The following RHOT2 variants were observed in gnomAD, a reference collection of about 807,000 sequenced individuals.
The protein encoded by RHOT2 is mitochondrial Rho GTPase 2.
A neutral mutation model predicts 81.6 loss-of-function variants in RHOT2; 90 were observed. That is an observed-to-expected ratio of 1.10 (90% confidence interval 0.93 to 1.31). RHOT2 has a LOEUF of 1.31. Ranked by LOEUF, RHOT2 falls within the 40% of genes most tolerant of loss-of-function variation. RHOT2 has a pLI of 0.00. For synonymous variants in RHOT2, 512 were observed against 370.9 expected (o/e 1.38, Z -4.37); for missense variants, 1,014 against 841.9 (o/e 1.20, Z -2.53).
At position 672,636 on chromosome 16, in the gene RHOT2, C is replaced by G. The variant is rs1024631015; in HGVS notation, c.1405-67C>G. Reference sequence around the variant, plus strand: ...GGACACCCAGGCCTGCCTGGCAGATCTGGCCCAGCATGGCCCTAGGGGGAC... The same window carrying G: ...GGACACCCAGGCCTGCCTGGCAGATGTGGCCCAGCATGGCCCTAGGGGGAC... On this transcript the variant is annotated intron_variant, in intron 16 of 18. Transcript: ENST00000315082. 5.6e-6 allele frequency: 9 copies of G among 1,609,554 alleles called. No individual in the cohort carries two copies. The African/African-American group carries it at 1.1e-4, about 19-fold the overall frequency.
chr16:670,841 G>A, intron 9 of RHOT2, 51 bp from the exon 10 acceptor site: 1 of 1,593,874 alleles, frequency 6.3e-7, no homozygotes, highest in South Asian at 1.1e-5. Context: ...GACTGGAACG[G>A]GTCGTCTCCG....
In RHOT2 at chr16:670,489, C is replaced by G. The variant is rs1240025388; in HGVS notation, c.472C>G (p.Leu158Val). 2 of 1,608,212 alleles carry G rather than the reference C, an allele frequency of 1.2e-6. No individual in the cohort carries two copies. Among genetic ancestry groups the G allele is most frequent in the African/African-American group, 2.7e-5 (2 of 74,864 alleles). ...SAKNLRNISE[L>V]FYYAQKAVLH... Reference sequence around the variant, plus strand: ...CAAGAACCTGAGGAACATCTCAGAGCTGTTCTACTACGCCCAGAAGGCCGT... The same window carrying G: ...CAAGAACCTGAGGAACATCTCAGAGGTGTTCTACTACGCCCAGAAGGCCGT... Residue 158 changes from leucine (L) to valine (V), a missense_variant, in exon 8 of 19, where the codon CTG becomes GTG. Physicochemically the swap from Leu to Val is conservative, Grantham distance 32. Transcript: ENST00000315082.
rs1448746772 is a variant in RHOT2 at position 670,331 on chromosome 16, T to C, written c.412T>C (p.Phe138Leu). 1 of 1,612,834 alleles carries C rather than the reference T, an allele frequency of 6.2e-7. No homozygotes were observed. Among genetic ancestry groups the C allele is most frequent in the Non-Finnish European group, 8.5e-7 (1 of 1,179,946 alleles). ...GGCCGTGCTCCCCATCATGAGCCAG[T>C]TTCCCGAGATTGAGACCTGCGTGGA... Reference protein sequence around the residue: ...MEAVLPIMSQFPEIETCVECS... With the variant: ...MEAVLPIMSQLPEIETCVECS... Residue 138 changes from phenylalanine to leucine, a missense_variant, in exon 7 of 19, where the codon TTT becomes CTT. By Grantham distance (22) the Phe-to-Leu change is conservative. Coordinates refer to ENST00000315082, the MANE Select transcript of RHOT2 (RefSeq NM_138769.3).
In RHOT2 at chr16:670,124, T is replaced by G; in HGVS notation, c.278T>G (p.Ile93Ser). 3.4e-5 allele frequency: 53 copies of G among 1,562,668 alleles called. No individual in the cohort carries two copies. Among genetic ancestry groups the G allele is most frequent in the Non-Finnish European group, 4.5e-5 (52 of 1,155,800 alleles). Residue 93 changes from isoleucine (I) to serine (S), a missense_variant and splice_region_variant, in exon 6 of 19, where the codon ATT becomes AGT. Transcript: ENST00000315082. ...TCACAGCCAGGCTTTGCTTTTCAGA[T>G]TCGAACTAAGTGGATCCCACTGGTG... is the stretch of plus-strand genomic sequence containing the variant. ...DVSEEATIEK[I>S]RTKWIPLVNG...
chr16:671,330 C>T (rs954614644), intron 11 of RHOT2, 127 bp downstream of exon 11: 20 of 1,370,580 alleles, frequency 1.5e-5, no homozygotes, highest in Middle Eastern at 1.9e-4. Context: ...GTGAAGGTCT[C>T]GCTCAGCAGG....
At chr16:671,810 G>GGCCCCGGCCC in intron 12 of RHOT2, 29 bp downstream of exon 12, 8 of 1,586,186 alleles carry the variant, frequency 5.0e-6, no homozygotes, top group Admixed American at 1.7e-5. Context: ...CCCTGCCCCT[G>GGCCCCGGCCC]CCCCCGCCCC....
chr16:671,186 G>A lies in RHOT2; in HGVS notation c.852G>A (p.Ala284=), dbSNP rs73487484. The change falls in exon 11 of 19, where the codon GCG becomes GCA. Residue 284 remains alanine (A), a synonymous_variant. Coordinates refer to ENST00000315082, the MANE Select transcript of RHOT2 (RefSeq NM_138769.3). ...FGYSDALELT[A]DYLSPLIHVP... ...ACAGCGATGCCCTGGAGCTGACTGC[G>A]GACTATCTCTCCCCTCTGTGAGTGA... 10,070 of 1,567,956 alleles carry A rather than the reference G, an allele frequency of 6.4e-3. 361 individuals carry two copies. In the African/African-American group the frequency reaches 0.095, roughly 15 times the overall value.
intron 12 of RHOT2, 28 bp downstream of exon 12, chr16:671,809 T>TGCCCCA (rs2151476628): frequency 1.0e-6 from 1 of 952,800 alleles, no homozygotes; most frequent in East Asian, 3.0e-5. Flanking sequence ...CCCCTGCCCC[T>TGCCCCA]GCCCCCGCCC....
At chr16:669,030 C>T (rs370634356) in intron 4 of RHOT2, 3 of 441,600 alleles carry the variant, frequency 6.8e-6, no homozygotes, top group Non-Finnish European at 1.2e-5. Flanking sequence ...GGCCTCCGGG[C>T]ACCCGGAGCT....
rs200255907 is a variant in RHOT2, at chr16:671,067, C to T, written c.749-16C>T. On this transcript the variant is annotated splice_polypyrimidine_tract_variant and intron_variant, in intron 10 of 18. Coordinates refer to ENST00000315082, the MANE Select transcript of RHOT2 (RefSeq NM_138769.3). ...GGGGCTGTGCCTGGTGCTCCCCCTG[C>T]TTTGTCTCGGTGCAGGTTTCCTCTT... The T allele has an allele frequency of 1.9e-4, 309 of 1,608,966 alleles. No homozygotes were observed. Among genetic ancestry groups the T allele is most frequent in the Admixed American group, 8.2e-4 (49 of 59,964 alleles).
rs1389680880 is a variant in RHOT2 at position 670,158 on chromosome 16, G to C, written c.312G>C (p.Gly104=). The change falls in exon 6 of 19, where the codon GGG becomes GGC. Residue 104 remains glycine (G), a synonymous_variant. Transcript: ENST00000315082. The stretch of plus-strand genomic sequence containing the variant: ...AGTGGATCCCACTGGTGAATGGGGG[G>C]ACCACGCAGGGGCCCAGGTAATGAG... ...RTKWIPLVNG[G]TTQGPRVPII... 5.6e-6 allele frequency: 9 copies of C among 1,593,308 alleles called. No individual in the cohort carries two copies. Among genetic ancestry groups the C allele is most frequent in the Non-Finnish European group, 7.7e-6 (9 of 1,171,054 alleles).
Position 673,032 on chromosome 16 carries a change from CA to C in RHOT2, c.1634del (p.Lys545SerfsTer71). ...SGPSPAEFCR[K>X]HRLPAPVPFS... is the part of the protein sequence containing the mutation. ...GCCCATCACCGGCCGAGTTTTGCCG[CA>C]AGCACCGGCTACCCGCTCCCGTGCC... On this transcript the variant is annotated frameshift_variant, in exon 18 of 19. Transcript: ENST00000315082. LOFTEE classifies it high-confidence loss of function. The C allele has an allele frequency of 6.2e-7, 1 of 1,612,340 alleles. No individual in the cohort carries two copies. Among genetic ancestry groups the C allele is most frequent in the Non-Finnish European group, 8.5e-7 (1 of 1,179,962 alleles).
chr16:670,585 T>C (rs2151465360), intron 8 of RHOT2, 28 bp downstream of exon 8: 1 of 1,596,158 alleles, frequency 6.3e-7, no homozygotes, highest in Admixed American at 1.7e-5. Context: ...CCCCGCACGC[T>C]GGTTCCCCAG....
rs2039356179 is a variant in RHOT2 at position 673,900 on chromosome 16, C to T, written c.*294C>T. Reference sequence around the variant, plus strand: ...CCCCTGGGCATCATGTGTGTGGGGCCGGGGAGCACAGGTGTGGGAGCTGGT... The same window carrying T: ...CCCCTGGGCATCATGTGTGTGGGGCTGGGGAGCACAGGTGTGGGAGCTGGT... On this transcript the variant is annotated 3_prime_UTR_variant, in exon 19 of 19. Coordinates refer to ENST00000315082, the MANE Select transcript of RHOT2 (RefSeq NM_138769.3). The T allele has an allele frequency of 5.0e-6, 3 of 596,842 alleles. No individual in the cohort carries two copies. The highest frequency in any genetic ancestry group is 3.1e-6 in the Non-Finnish European group (1 of 318,898). The allele number at this position is 596,842 out of a possible 1,614,324, so 37.0% of individuals were successfully genotyped here.
At position 668,652 on chromosome 16, in the gene RHOT2, C is replaced by G. The variant is rs994486531; in HGVS notation, c.179-4C>G. On this transcript the variant is annotated splice_region_variant and splice_polypyrimidine_tract_variant and intron_variant, in intron 3 of 18. Transcript: ENST00000315082. ...TCCGCAGTGGAGTCTCTTTGTCCCC[C>G]TAGAAGCCGAGCAGACGGACGAGGA... is the stretch of plus-strand genomic sequence containing the variant. The G allele has an allele frequency of 3.1e-6, 5 of 1,606,924 alleles. No individual in the cohort carries two copies. The highest frequency in any genetic ancestry group is 1.3e-5 in the African/African-American group (1 of 74,436).
At chr16:673,256 G>C in intron 18 of RHOT2, 126 bp downstream of exon 18, 4 of 1,293,880 alleles carry the variant, frequency 3.1e-6, no homozygotes, top group Non-Finnish European at 3.3e-6. Flanking sequence ...GGCAGCAGTG[G>C]CGTCAGGCCT....
chr16:670,485 A>G lies in RHOT2; in HGVS notation c.468A>G (p.Ser156=), dbSNP rs761357531. 6 of 1,608,178 alleles carry G rather than the reference A, an allele frequency of 3.7e-6. No individual in the cohort carries two copies. The highest frequency in any genetic ancestry group is 5.1e-6 in the Non-Finnish European group (6 of 1,177,440). The part of the protein sequence containing the change: ...ECSAKNLRNI[S]ELFYYAQKAV... The stretch of plus-strand genomic sequence containing the variant: ...CGGCCAAGAACCTGAGGAACATCTC[A>G]GAGCTGTTCTACTACGCCCAGAAGG... The change falls in exon 8 of 19, where the codon TCA becomes TCG. Residue 156 remains serine (S), a synonymous_variant. Transcript: ENST00000315082.
intron 3 of RHOT2, 38 bp from the exon 4 acceptor site, chr16:668,618 C>T (rs1410489182): frequency 1.2e-6 from 2 of 1,609,050 alleles, no homozygotes; most frequent in East Asian, 2.2e-5. Context: ...GTCCGGCGGG[C>T]CTGCTGGGTC....
chr16:669,817 C>A (rs553597500), intron 5 of RHOT2: 128 of 623,082 alleles, frequency 2.1e-4, no homozygotes, highest in African/African-American at 2.0e-3. Context: ...GCCATTGAGG[C>A]CGGCAGTCCT....
Sources: gnomAD v4.1 joint callset for allele counts on GRCh38, gnomAD v4.1.1 for gene constraint, MANE v1.5 for transcripts, NCBI Gene and HGNC (gene_info 2026-07-23, HGNC 2026-07-21) for gene names.